The following FGFR2 variants were observed in gnomAD, a reference collection of about 807,000 sequenced individuals.
FGFR2 encodes BEK fibroblast growth factor receptor.
FGFR2 carries 19 observed loss-of-function variants against 95.9 expected under a neutral mutation model. That is an observed-to-expected ratio of 0.20 (90% CI 0.14 to 0.29). The LOEUF is 0.29. Among genes scored for constraint, FGFR2 ranks in the 10% least tolerant of loss-of-function variants. The pLI, the probability that FGFR2 is intolerant of heterozygous loss-of-function variation, is 1.00. For synonymous variants in FGFR2, 392 were observed against 393.3 expected (o/e 1.00, Z 0.04); for missense variants, 707 against 1,056.9 (o/e 0.67, Z 4.59).
intron 6 of FGFR2, among the ~76,000 whole-genome samples, chr10:121,535,812 C>T (rs1315125454): frequency 1.3e-5 from 2 of 152,280 alleles, no homozygotes; most frequent in Admixed American, 6.5e-5. Flanking sequence ...AATGGCTTGC[C>T]GTTTAATTCT....
intron 5 of FGFR2, among the ~76,000 whole-genome samples, chr10:121,541,695 A>G (rs1427400765): frequency 6.6e-6 from 1 of 152,246 alleles, no homozygotes; most frequent in African/African-American, 2.4e-5. Context: ...GGAAATGCAA[A>G]TTAAAACAAT....
At position 121,515,327 on chromosome 10, in the gene FGFR2, G is replaced by A. The variant is rs1358495767; in HGVS notation, c.1085-8C>T. ...CCTTTTCTCTTCCAGGCGCTAGATT[G>A]CAGATCACAGGAGGAGGAACAGATA... On this transcript the variant is annotated splice_region_variant and splice_polypyrimidine_tract_variant and intron_variant, in intron 8 of 17. Coordinates refer to ENST00000358487, the MANE Select transcript of FGFR2 (RefSeq NM_000141.5). The A allele has an allele frequency of 3.7e-6, 6 of 1,613,708 alleles. No homozygotes were observed. The Admixed American group carries it at 6.7e-5, about 18-fold the overall frequency.
At position 121,493,926 on chromosome 10, in the gene FGFR2, C is replaced by T. The variant is rs370318277; in HGVS notation, c.1863+2606G>A. Among the ~76,000 whole-genome samples, 241 of 152,146 alleles carry T rather than the reference C, an allele frequency of 1.6e-3. 1 individual carries two copies. Among genetic ancestry groups the T allele is most frequent in the African/African-American group, 5.1e-3 (211 of 41,484 alleles). On this transcript the variant is annotated intron_variant, in intron 13 of 17. Coordinates refer to ENST00000358487, the MANE Select transcript of FGFR2 (RefSeq NM_000141.5). ...TTTCAAGCTGGAAATCCAGAAGTCA[C>T]CCTTGATCTCTCTTTCTCTCCCTCC...
intron 4 of FGFR2, among the ~76,000 whole-genome samples, chr10:121,554,871 A>G (rs575785703): frequency 6.6e-6 from 1 of 152,318 alleles, no homozygotes; most frequent in Admixed American, 6.5e-5. Flanking sequence ...CAAGAACTGC[A>G]AAACAGCTGG....
intron 2 of FGFR2, among the ~76,000 whole-genome samples, chr10:121,572,305 G>A (rs1017748757): frequency 5.9e-5 from 9 of 151,928 alleles, no homozygotes; most frequent in African/African-American, 1.9e-4. Context: ...GTGACACAGC[G>A]AGACGAGAAC....
rs1261549283 is a variant in FGFR2, at chr10:121,482,077, T to C, written c.2301+1621A>G. 4.8e-6 allele frequency: 5 copies of C among 1,031,848 alleles called. No homozygotes were observed. In the Admixed American group the frequency reaches 7.2e-5, roughly 15 times the overall value. 63.9% of individuals were successfully genotyped at this position (1,031,848 alleles called of 1,614,324 possible). A position where few individuals can be genotyped will look rare whatever the true frequency, so the allele number is the denominator to read the frequency against. On this transcript the variant is annotated intron_variant, in intron 17 of 17. Coordinates refer to ENST00000358487, the MANE Select transcript of FGFR2 (RefSeq NM_000141.5). ...TGGTCTGGAACTCCTGACCTCATGA[T>C]CCGCCTGCCTCGGCCTCCCAAAGTG...
intron 2 of FGFR2, among the ~76,000 whole-genome samples, chr10:121,575,757 G>A (rs952899811): frequency 3.9e-5 from 6 of 152,088 alleles, no homozygotes; most frequent in Non-Finnish European, 8.8e-5. Context: ...TCGGGAGGCT[G>A]AGGCAGGAGA....
chr10:121,501,762 C>T (rs1847634925), intron 10 of FGFR2, among the ~76,000 whole-genome samples: 1 of 152,146 alleles, frequency 6.6e-6, no homozygotes, highest in Non-Finnish European at 1.5e-5. Flanking sequence ...TGCAAAAGTG[C>T]AGCATAAAGA....
At chr10:121,486,457 T>C (rs1845415131) in intron 15 of FGFR2, among the ~76,000 whole-genome samples, 1 of 152,146 alleles carries the variant, frequency 6.6e-6, no homozygotes, top group Admixed American at 6.5e-5. Context: ...GATTTTTTTT[T>C]CCCCAGACAG....
Position 121,551,370 on chromosome 10 carries a change from C to T in FGFR2, c.544G>A (p.Gly182Arg), listed in dbSNP as rs200766273. ...ANTVKFRCPAGGNPMPTMRWL... is the reference protein window; with the variant it reads ...ANTVKFRCPARGNPMPTMRWL... ...CGCATGGTTGGCATTGGGTTCCCCCCGGCTGGGCAGCGAAACTTGACAGTG... is the reference window on the plus strand; with the variant it reads ...CGCATGGTTGGCATTGGGTTCCCCCTGGCTGGGCAGCGAAACTTGACAGTG... Residue 182 changes from glycine to arginine, a missense_variant, in exon 5 of 18, where the codon GGG becomes AGG. This residue lies in a region of FGFR2 where 139 missense variants were observed against 278.1 expected (regional missense o/e 0.50). Transcript: ENST00000358487. The T allele has an allele frequency of 7.4e-6, 12 of 1,614,212 alleles. No homozygotes were observed. The highest frequency in any genetic ancestry group is 9.3e-6 in the Non-Finnish European group (11 of 1,180,044).
intron 2 of FGFR2, among the ~76,000 whole-genome samples, chr10:121,581,193 G>A (rs1860808561): frequency 6.6e-6 from 1 of 152,218 alleles, no homozygotes; most frequent in African/African-American, 2.4e-5. Flanking sequence ...ACCTTCAAGG[G>A]CAAGCACCTC....
Position 121,520,108 on chromosome 10 carries a change from G to A in FGFR2, c.810C>T (p.Val270=), listed in dbSNP as rs150488750. The part of the protein sequence containing the change: ...AGLPANASTV[V]GGDVEFVCKV... ...TGCAGACAAACTCTACGTCTCCTCCGACCACTGTGGAGGCATTTGCCGGCA... is the reference window on the plus strand; with the variant it reads ...TGCAGACAAACTCTACGTCTCCTCCAACCACTGTGGAGGCATTTGCCGGCA... Residue 270 remains valine, a synonymous_variant, in exon 7 of 18, where the codon GTC becomes GTT. Transcript: ENST00000358487. 8.7e-6 allele frequency: 14 copies of A among 1,614,044 alleles called. No homozygotes were observed. The African/African-American group carries it at 9.3e-5, about 11-fold the overall frequency.
chr10:121,501,049 G>GCACTC, intron 10 of FGFR2, 102 bp from the exon 11 acceptor site: 3 of 1,522,020 alleles, frequency 2.0e-6, no homozygotes, highest in Non-Finnish European at 2.7e-6. Context: ...GCTTACTAAA[G>GCACTC]CATGGAGTGC....
chr10:121,592,164 G>T (rs547212712), intron 2 of FGFR2, among the ~76,000 whole-genome samples: 2 of 152,186 alleles, frequency 1.3e-5, no homozygotes, highest in South Asian at 4.1e-4. Flanking sequence ...GCCGAGCCAC[G>T]CACTCAAGGG....
intron 9 of FGFR2, among the ~76,000 whole-genome samples, chr10:121,507,157 C>T (rs954766901): frequency 3.3e-5 from 5 of 152,224 alleles, no homozygotes; most frequent in African/African-American, 7.2e-5. Context: ...AGGCAGGCTG[C>T]ATCCTGACCA....
At chr10:121,532,902 C>A (rs868571165) in intron 6 of FGFR2, among the ~76,000 whole-genome samples, 1 of 152,160 alleles carries the variant, frequency 6.6e-6, no homozygotes, top group East Asian at 1.9e-4. Context: ...TGAGTTACAA[C>A]AGATTTATGT....
Position 121,551,274 on chromosome 10 carries a change from G to A in FGFR2, c.624+16C>T, listed in dbSNP as rs1855369819. 6.2e-7 allele frequency: 1 copy of A among 1,613,570 alleles called. No individual in the cohort carries two copies. Among genetic ancestry groups the A allele is most frequent in the Non-Finnish European group, 8.5e-7 (1 of 1,179,532 alleles). On this transcript the variant is annotated intron_variant, in intron 5 of 17. Transcript: ENST00000358487. ...AAAAATGTAAGAAATGTGATGTTCT[G>A]AAAGCTTAATTCTACCTTGTAGCCT...
intron 1 of FGFR2, among the ~76,000 whole-genome samples, chr10:121,595,568 T>C (rs997832813): frequency 6.6e-6 from 1 of 152,250 alleles, no homozygotes; most frequent in Non-Finnish European, 1.5e-5. Flanking sequence ...AACTTTTCTT[T>C]CCTCTTAGTC....
intron 9 of FGFR2, among the ~76,000 whole-genome samples, chr10:121,510,044 A>G (rs1848851660): frequency 6.6e-6 from 1 of 151,414 alleles, no homozygotes; most frequent in Admixed American, 6.6e-5. Flanking sequence ...CTTGCCCACC[A>G]CTCCCCTATG....
Sources: allele counts gnomAD v4.1 joint callset (sites outside exome capture counted in the v4.1 genomes callset), GRCh38; gene constraint gnomAD v4.1.1; regional missense constraint gnomAD v4.1.1; transcripts MANE v1.5; gene names NCBI Gene and HGNC (gene_info 2026-07-23, HGNC 2026-07-21).